Variants in CENPK observed in about 807,000 individuals in gnomAD.
The protein encoded by CENPK is centromere protein K, also known as SoxLZ/Sox6-binding protein Solt.
A neutral mutation model predicts 40.9 loss-of-function variants in CENPK; 46 were observed. The observed-to-expected ratio is 1.13, with a 90% confidence interval of 0.89 to 1.44. The LOEUF (loss-of-function observed/expected upper bound fraction) is 1.44. Among genes scored for constraint, CENPK ranks in the 40% most tolerant of loss-of-function variants. CENPK has a pLI of 0.00. For synonymous variants in CENPK, 107 were observed against 104.4 expected (o/e 1.02, Z -0.15); for missense variants, 288 against 303.5 (o/e 0.95, Z 0.38).
chr5:65,506,157 G>C, the CENPK span, among the ~76,000 whole-genome samples: 1 of 151,878 alleles, frequency 6.6e-6, no homozygotes, highest in African/African-American at 2.4e-5. Flanking sequence ...GCCCAGGCGG[G>C]AGAATGTCTT....
intron 9 of CENPK, among the ~76,000 whole-genome samples, chr5:65,527,579 T>A (rs80347054): frequency 0.21 from 29,038 of 138,238 alleles, 3,624 homozygotes; most frequent in South Asian, 0.34. Context: ...CTTCTGCCAC[T>A]CAATAAAATA....
At chr5:65,554,991 C>T in intron 2 of CENPK, 45 bp from the exon 3 acceptor site, 1 of 814,760 alleles carries the variant, frequency 1.2e-6, no homozygotes, top group Admixed American at 2.0e-5. Context: ...TGGTTGAACA[C>T]TTATTACCTG....
the CENPK span, among the ~76,000 whole-genome samples, chr5:65,497,727 C>A: frequency 6.6e-6 from 1 of 151,922 alleles, no homozygotes; most frequent in South Asian, 2.1e-4. Flanking sequence ...AATAAAAAGG[C>A]AGGACAGTGG....
At chr5:65,537,774 T>C (rs1747223168) in intron 6 of CENPK, among the ~76,000 whole-genome samples, 1 of 152,214 alleles carries the variant, frequency 6.6e-6, no homozygotes, top group African/African-American at 2.4e-5. Flanking sequence ...TGTCCAATAA[T>C]GTGTCACTGT....
chr5:65,539,447 A>C (rs907226532), intron 6 of CENPK, among the ~76,000 whole-genome samples: 1 of 152,254 alleles, frequency 6.6e-6, no homozygotes, highest in Non-Finnish European at 1.5e-5. Context: ...TTCCTATTCC[A>C]AAAGAACGAA....
chr5:65,549,458 C>A (rs1046488325), intron 5 of CENPK, among the ~76,000 whole-genome samples: 31 of 152,196 alleles, frequency 2.0e-4, no homozygotes, highest in African/African-American at 7.5e-4. Context: ...GCTTTGGAGC[C>A]AGGCATCAAC....
chr5:65,530,125 C>T (rs1002209406), intron 6 of CENPK, among the ~76,000 whole-genome samples: 16 of 152,232 alleles, frequency 1.1e-4, no homozygotes, highest in African/African-American at 3.9e-4. Context: ...ACTGAGGAGA[C>T]TGTACAAAAC....
chr5:65,542,968 T>C (rs1222139629), intron 5 of CENPK, 120 bp from the exon 6 acceptor site: 1 of 779,258 alleles, frequency 1.3e-6, no homozygotes, highest in Non-Finnish European at 2.0e-6. Flanking sequence ...AATATACAAC[T>C]TTTTCTCCCC....
At chr5:65,559,232 A>G (rs1242059857) in intron 2 of CENPK, among the ~76,000 whole-genome samples, 1 of 152,246 alleles carries the variant, frequency 6.6e-6, no homozygotes, top group African/African-American at 2.4e-5. Flanking sequence ...AAAGACCCAC[A>G]TTGTAAAGAC....
the CENPK span, among the ~76,000 whole-genome samples, chr5:65,499,143 T>G: frequency 6.6e-6 from 1 of 151,026 alleles, no homozygotes; most frequent in East Asian, 1.9e-4. Context: ...CCCAAAGTGT[T>G]GGGATTACAG....
chr5:65,511,543 G>A, the CENPK span, among the ~76,000 whole-genome samples: 2 of 152,168 alleles, frequency 1.3e-5, no homozygotes, highest in Non-Finnish European at 2.9e-5. Context: ...GGGCCCTTAA[G>A]AATTATACTA....
intron 6 of CENPK, among the ~76,000 whole-genome samples, chr5:65,534,052 A>AC (rs765125001): frequency 1.3e-5 from 2 of 148,410 alleles, no homozygotes; most frequent in Admixed American, 6.7e-5. Context: ...CGTCTCAACA[A>AC]AAAAAAAAAA....
the CENPK span, among the ~76,000 whole-genome samples, chr5:65,509,235 T>G: frequency 3.3e-5 from 5 of 152,214 alleles, no homozygotes; most frequent in Non-Finnish European, 7.3e-5. Context: ...ACGCTTGGTC[T>G]CACCTCTATA....
chr5:65,495,987 C>T, the CENPK span, among the ~76,000 whole-genome samples: 5 of 152,170 alleles, frequency 3.3e-5, no homozygotes, highest in African/African-American at 9.6e-5. Context: ...CCAGGCAAGG[C>T]GGCTCATGCC....
At chr5:65,553,620 A>C (rs897707122) in intron 3 of CENPK, among the ~76,000 whole-genome samples, 1 of 152,208 alleles carries the variant, frequency 6.6e-6, no homozygotes, top group Non-Finnish European at 1.5e-5. Flanking sequence ...ATTTGGGGAA[A>C]TAATCCCATC....
intron 10 of CENPK, among the ~76,000 whole-genome samples, chr5:65,519,622 A>C (rs1743353501): frequency 6.6e-6 from 1 of 152,208 alleles, no homozygotes; most frequent in Non-Finnish European, 1.5e-5. Context: ...GAGAATGCAT[A>C]ATTTATACAA....
In CENPK at chr5:65,524,800, G is replaced by A. The variant is rs186071899; in HGVS notation, c.598-3272C>T. ...AGAAGTTCTGAATAAAATATAACCTGCCAAAGTAAAAATAACACAAAATAG... is the reference window on the plus strand; with the variant it reads ...AGAAGTTCTGAATAAAATATAACCTACCAAAGTAAAAATAACACAAAATAG... On this transcript the variant is annotated intron_variant, in intron 9 of 10. Transcript: ENST00000396679. The A allele has an allele frequency of 5.4e-4, 82 of 153,190 alleles. 1 individual carries two copies. Among genetic ancestry groups the A allele is most frequent in the African/African-American group, 1.9e-3 (77 of 41,516 alleles). The allele number at this position is 153,190 out of a possible 1,614,324, so 9.5% of individuals were successfully genotyped here.
chr5:65,524,658 G>A (rs548629382), intron 9 of CENPK: 143 of 156,004 alleles, frequency 9.2e-4, no homozygotes, highest in Non-Finnish European at 7.4e-4. Context: ...TCCAGCCTGG[G>A]TGACACAGGG....
In CENPK at chr5:65,552,508, G is replaced by A. The variant is rs757907403; in HGVS notation, c.153C>T (p.Thr51=). The A allele has an allele frequency of 3.0e-5, 47 of 1,556,920 alleles. No individual in the cohort carries two copies. Among genetic ancestry groups the A allele is most frequent in the Middle Eastern group, 3.4e-4 (2 of 5,934 alleles). The part of the protein sequence containing the change: ...KLSLIGTETL[T]DSNAQLSLLI... ...AGATTCATACCTGAGCATTTGAATC[G>A]GTGAGTGTTTCAGTTCCAATAAGTG... The change falls in exon 4 of 11, where the codon ACC becomes ACT. Residue 51 remains threonine (T), a synonymous_variant. Coordinates refer to ENST00000396679, the MANE Select transcript of CENPK (RefSeq NM_022145.5).
Sources: allele counts gnomAD v4.1 joint callset (sites outside exome capture counted in the v4.1 genomes callset), GRCh38; gene constraint gnomAD v4.1.1; transcripts MANE v1.5; gene names NCBI Gene and HGNC (gene_info 2026-07-23, HGNC 2026-07-21).